Variants in RYR2 observed in about 807,000 individuals in gnomAD.
RYR2 encodes ryanodine receptor 2.
Under a neutral mutation model 601.1 loss-of-function variants are expected in RYR2, and 227 were observed. The observed-to-expected ratio is 0.38, with a 90% CI of 0.34 to 0.42. RYR2 has a LOEUF of 0.42. RYR2 is among the 10% of genes least tolerant of loss of function. The pLI, the probability that RYR2 is intolerant of heterozygous loss-of-function variation, is 1.00. For missense variants in RYR2, 4,646 were observed against 6,156.5 expected (o/e 0.75, Z 8.21); for synonymous variants, 2,223 against 2,175.1 (o/e 1.02, Z -0.61).
At chr1:237,433,560 C>T (rs560175666) in intron 12 of RYR2, among the ~76,000 whole-genome samples, 1 of 152,164 alleles carries the variant, frequency 6.6e-6, no homozygotes, top group Non-Finnish European at 1.5e-5. Context: ...AATAGAATAG[C>T]TCAACAGATT....
chr1:237,428,100 A>G (rs1706383585), intron 12 of RYR2, among the ~76,000 whole-genome samples: 1 of 152,216 alleles, frequency 6.6e-6, no homozygotes, highest in Non-Finnish European at 1.5e-5. Flanking sequence ...GTCAAGAAAC[A>G]ACAGATGCTG....
chr1:237,062,307 C>T (rs1359137660), intron 1 of RYR2, among the ~76,000 whole-genome samples: 2 of 152,190 alleles, frequency 1.3e-5, no homozygotes, highest in East Asian at 3.8e-4. Flanking sequence ...AGCATCAAAT[C>T]TGTAGACCCG....
intron 6 of RYR2, among the ~76,000 whole-genome samples, chr1:237,372,442 TTAAC>T (rs1160790241): frequency 6.6e-6 from 1 of 152,200 alleles, no homozygotes; most frequent in Non-Finnish European, 1.5e-5. Context: ...TTAAATCAAA[TTAAC>T]TAAAATAAGA....
At chr1:237,646,173 G>A (rs937148573) in intron 48 of RYR2, among the ~76,000 whole-genome samples, 2 of 151,854 alleles carry the variant, frequency 1.3e-5, no homozygotes, top group Non-Finnish European at 2.9e-5. Flanking sequence ...CACCGTGCCC[G>A]GCCAAATCTC....
intron 10 of RYR2, 34 bp downstream of exon 10, chr1:237,388,217 A>G (rs748486895): frequency 6.4e-7 from 1 of 1,563,402 alleles, no homozygotes; most frequent in Non-Finnish European, 8.8e-7. Flanking sequence ...TGAGACTTGC[A>G]CTCTTTTGCC....
At position 237,634,869 on chromosome 1, in the gene RYR2, A is replaced by T; in HGVS notation, c.6689-20A>T. ...TACAGCACGATCCAGGTTATATTTC[A>T]TCTTCATTTGAATTAATAGCCTCCC... On this transcript the variant is annotated intron_variant, in intron 43 of 104. Coordinates refer to ENST00000366574, the MANE Select transcript of RYR2 (RefSeq NM_001035.3). 5.7e-6 allele frequency: 9 copies of T among 1,574,644 alleles called. No individual in the cohort carries two copies. Among genetic ancestry groups the T allele is most frequent in the East Asian group, 2.3e-5 (1 of 43,934 alleles).
intron 1 of RYR2, among the ~76,000 whole-genome samples, chr1:237,178,710 G>A (rs1678361631): frequency 6.6e-6 from 1 of 152,036 alleles, no homozygotes; most frequent in Non-Finnish European, 1.5e-5. Context: ...TTGGACAGAG[G>A]TGGGAGGATT....
intron 101 of RYR2, among the ~76,000 whole-genome samples, chr1:237,822,226 G>C (rs905159255): frequency 6.6e-6 from 1 of 152,124 alleles, no homozygotes; most frequent in African/African-American, 2.4e-5. Context: ...ATAATCGTCA[G>C]ATTCACCAAG....
At chr1:237,506,500 T>A (rs2150514120) in intron 22 of RYR2, among the ~76,000 whole-genome samples, 1 of 150,298 alleles carries the variant, frequency 6.7e-6, no homozygotes. Context: ...ATCGCGCCAC[T>A]GCACTCCAGC....
intron 6 of RYR2, among the ~76,000 whole-genome samples, chr1:237,370,687 G>A (rs552676643): frequency 1.4e-5 from 2 of 146,850 alleles, no homozygotes; most frequent in African/African-American, 5.0e-5. Context: ...TTGAGACGGA[G>A]TCTGGTTCTG....
chr1:237,641,327 A>G (rs1681449493), intron 47 of RYR2, among the ~76,000 whole-genome samples: 1 of 152,218 alleles, frequency 6.6e-6, no homozygotes, highest in Non-Finnish European at 1.5e-5. Flanking sequence ...CAGTGCATCC[A>G]GAAAACAACT....
rs778111237 is a variant in RYR2 at position 237,732,128 on chromosome 1, G to A, written c.11018G>A (p.Arg3673Gln). 24 of 1,608,496 alleles carry A rather than the reference G, an allele frequency of 1.5e-5. No homozygotes were observed. Among genetic ancestry groups the A allele is most frequent in the Admixed American group, 3.3e-5 (2 of 59,822 alleles). Reference sequence around the variant, plus strand: ...CATCAGCTGATCCTTCTGTTTAGTCGGACAGCTTTAACAGAGAAATGGTAT... The same window carrying A: ...CATCAGCTGATCCTTCTGTTTAGTCAGACAGCTTTAACAGAGAAATGGTAT... ...PLHQLILLFS[R>Q]TALTEKCKLE... is the part of the protein sequence containing the mutation. Residue 3673 changes from arginine (R) to glutamine (Q), a missense_variant, in exon 78 of 105, where the codon CGG (arginine) becomes CAG (glutamine). By Grantham distance (43) the Arg-to-Gln change is conservative. Around this residue, in one of 17 missense-constraint regions of RYR2, gnomAD observed 1,497 missense variants for 1,842.6 expected, o/e 0.81. Transcript: ENST00000366574.
intron 31 of RYR2, 140 bp from the exon 32 acceptor site, chr1:237,591,599 T>C (rs1675209080): frequency 1.5e-6 from 1 of 671,090 alleles, no homozygotes; most frequent in Admixed American, 2.3e-5. Flanking sequence ...ACCAAAAACA[T>C]GTATTTTCAG....
intron 2 of RYR2, among the ~76,000 whole-genome samples, chr1:237,305,137 C>T (rs1693746020): frequency 6.6e-6 from 1 of 152,118 alleles, no homozygotes; most frequent in South Asian, 2.1e-4. Context: ...AGGATTGTCT[C>T]TTAGGTATAT....
Position 237,268,071 on chromosome 1 carries a change from A to G in RYR2, c.49-2426A>G, listed in dbSNP as rs142048643. 1.8e-4 allele frequency among the ~76,000 whole-genome samples: 27 copies of G among 152,100 alleles called. No individual in the cohort carries two copies. The East Asian group carries it at 5.0e-3, about 28-fold the overall frequency. On this transcript the variant is annotated intron_variant, in intron 1 of 104. Coordinates refer to ENST00000366574, the MANE Select transcript of RYR2 (RefSeq NM_001035.3). ...CGGGGCTTACTGAGTAAGCTCTGTTACTCCCACTTGTCCCATATATCTGTG... is the reference window on the plus strand; with the variant it reads ...CGGGGCTTACTGAGTAAGCTCTGTTGCTCCCACTTGTCCCATATATCTGTG...
chr1:237,792,388 TGTGTGTGTGC>T (rs1558425878), intron 94 of RYR2, 65 bp downstream of exon 94: 27 of 820,168 alleles, frequency 3.3e-5, no homozygotes, highest in African/African-American at 3.0e-4. Flanking sequence ...TGTGCGTGTG[TGTGTGTGTGC>T]GTGTGTGTGT....
Position 237,792,315 on chromosome 1 carries a change from T to C in RYR2, c.13774T>C (p.Cys4592Arg), listed in dbSNP as rs1193389004. The change falls in exon 94 of 105, where the codon TGC becomes CGC. Residue 4592 changes from cysteine to arginine, a missense_variant. By Grantham distance (180) the Cys-to-Arg change is radical (BLOSUM62 -3). Around this residue, in one of 17 missense-constraint regions of RYR2, gnomAD observed 37 missense variants for 102.8 expected, o/e 0.36. Coordinates refer to ENST00000366574, the MANE Select transcript of RYR2 (RefSeq NM_001035.3). ...TTTCTTCTGCATCATTGGATACTAC[T>C]GCTTGAAAGTAAGATAGTAAGGCAC... ...ISFFCIIGYY[C>R]LKVPLVIFKR... 1.2e-6 allele frequency: 2 copies of C among 1,606,148 alleles called. No homozygotes were observed. The highest frequency in any genetic ancestry group is 1.7e-6 in the Non-Finnish European group (2 of 1,174,352).
chr1:237,199,178 A>G (rs1454067122), intron 1 of RYR2, among the ~76,000 whole-genome samples: 1 of 152,212 alleles, frequency 6.6e-6, no homozygotes, highest in Non-Finnish European at 1.5e-5. Context: ...AGTTCTCTGT[A>G]GGGACAGAAC....
At chr1:237,503,616 G>A in intron 22 of RYR2, 111 bp downstream of exon 22, 1 of 972,426 alleles carries the variant, frequency 1.0e-6, no homozygotes, top group Non-Finnish European at 1.6e-6. Flanking sequence ...TAATACAGTT[G>A]TACAGTTGAC....
Sources: gnomAD v4.1 joint callset for allele counts (sites outside exome capture counted in the v4.1 genomes callset) on GRCh38, gnomAD v4.1.1 for gene constraint, gnomAD v4.1.1 regional missense constraint, MANE v1.5 for transcripts, NCBI Gene and HGNC (gene_info 2026-07-23, HGNC 2026-07-21) for gene names.